The following HSH2D variants were observed in gnomAD, a reference collection of about 807,000 sequenced individuals.
HSH2D encodes the protein hematopoietic SH2 domain-containing protein.
In HSH2D, 16 loss-of-function variants were observed where a neutral mutation model predicts 21.5. The ratio of observed to expected loss-of-function variants is 0.74; its 90% CI spans 0.50 to 1.13. The LOEUF is 1.13. Ranked by LOEUF, HSH2D falls within the 50% of genes most tolerant of loss-of-function variation. The probability of loss-of-function intolerance (pLI) is 0.00; values close to 1 mark genes in which losing one functional copy is unlikely to be tolerated. For synonymous variants in HSH2D, 172 were observed against 184.7 expected (o/e 0.93, Z 0.56); for missense variants, 418 against 441.4 (o/e 0.95, Z 0.47).
intron 1 of HSH2D, among the ~76,000 whole-genome samples, chr19:16,146,729 C>T (rs1469424053): frequency 6.6e-6 from 1 of 152,064 alleles, no homozygotes; most frequent in East Asian, 1.9e-4. Flanking sequence ...TTTTTGACCA[C>T]CACCGTTGGG....
intron 1 of HSH2D, among the ~76,000 whole-genome samples, chr19:16,146,169 C>CT (rs1181169860): frequency 2.6e-5 from 4 of 152,016 alleles, no homozygotes; most frequent in Admixed American, 2.6e-4. Flanking sequence ...CTTACACTCA[C>CT]TTAATAATGT....
intron 1 of HSH2D, among the ~76,000 whole-genome samples, chr19:16,135,367 T>A (rs2090955278): frequency 6.6e-6 from 1 of 151,912 alleles, no homozygotes; most frequent in Non-Finnish European, 1.5e-5. Context: ...AGTTGGAGGC[T>A]GCAGTGAGCT....
intron 1 of HSH2D, 41 bp from the exon 2 acceptor site, chr19:16,148,683 C>T: frequency 1.3e-6 from 2 of 1,579,638 alleles, no homozygotes; most frequent in Non-Finnish European, 1.7e-6. Context: ...ATAAGAGGTG[C>T]ATCAAGCTTG....
rs113852172 is a variant in HSH2D at position 16,157,189 on chromosome 19, C to T, written c.475-21C>T. 75 of 1,510,676 alleles carry T rather than the reference C, an allele frequency of 5.0e-5. 1 individual carries two copies. In the African/African-American group the frequency reaches 6.7e-4, roughly 14 times the overall value. 93.6% of individuals were successfully genotyped at this position (1,510,676 alleles called of 1,614,324 possible). Reference sequence around the variant, plus strand: ...CTCTGGTGGGCAAGCTGCCCCAGGCCTCCCCTACTCTCATTTTCAGGCCTC... The same window carrying T: ...CTCTGGTGGGCAAGCTGCCCCAGGCTTCCCCTACTCTCATTTTCAGGCCTC... On this transcript the variant is annotated intron_variant, in intron 5 of 5. Coordinates refer to ENST00000613986, the MANE Select transcript of HSH2D (RefSeq NM_001382417.1). The surrounding 1 kb of genome is among the most constrained non-coding windows in gnomAD (Gnocchi z 4.4).
upstream of HSH2D, among the ~76,000 whole-genome samples, chr19:16,141,760 CTAAAAATACAAACA>C (rs2145015807): frequency 6.6e-6 from 1 of 151,894 alleles, no homozygotes; most frequent in East Asian, 1.9e-4. Context: ...CTTGTCTCTA[CTAAAAATACAAACA>C]TTAGCCAGGC....
At chr19:16,135,562 C>G (rs1272886284) in intron 1 of HSH2D, among the ~76,000 whole-genome samples, 5 of 152,176 alleles carry the variant, frequency 3.3e-5, no homozygotes, top group Non-Finnish European at 7.4e-5. Flanking sequence ...TCTGGCTGCC[C>G]TTCCTGGCTC....
At chr19:16,150,470 C>T (rs1319059655) in intron 2 of HSH2D, among the ~76,000 whole-genome samples, 1 of 151,672 alleles carries the variant, frequency 6.6e-6, no homozygotes, top group African/African-American at 2.4e-5. Flanking sequence ...ACCCAGGAGG[C>T]GGAGATTGCA....
At chr19:16,154,754 C>G (rs1439602243) in intron 5 of HSH2D, 2 of 323,566 alleles carry the variant, frequency 6.2e-6, no homozygotes, top group African/African-American at 4.3e-5. Flanking sequence ...GCCTCGGGGT[C>G]TCTGCGTGTG....
intron 1 of HSH2D, among the ~76,000 whole-genome samples, chr19:16,147,255 C>T (rs2091083991): frequency 6.6e-6 from 1 of 151,904 alleles, no homozygotes; most frequent in Non-Finnish European, 1.5e-5. Context: ...GAGGCTGACA[C>T]AGGTGGATTT....
At chr19:16,142,028 G>A (rs757176005), upstream of HSH2D, 1 of 152,238 alleles carries the variant, frequency 6.6e-6, no homozygotes, top group Non-Finnish European at 1.5e-5. Flanking sequence ...CAAGACTGCA[G>A]TGAGCTATGA....
chr19:16,146,887 G>A (rs1025777974), intron 1 of HSH2D, among the ~76,000 whole-genome samples: 1 of 150,156 alleles, frequency 6.7e-6, no homozygotes, highest in Non-Finnish European at 1.5e-5. Context: ...GTGCAATGGC[G>A]CGATCTTGGC....
intron 1 of HSH2D, among the ~76,000 whole-genome samples, chr19:16,137,417 C>A (rs2090971299): frequency 6.6e-6 from 1 of 151,958 alleles, no homozygotes; most frequent in South Asian, 2.1e-4. Flanking sequence ...CACTTGAGGT[C>A]AGGAGTTCGA....
At chr19:16,143,123 T>C (rs886677657), upstream of HSH2D, among the ~76,000 whole-genome samples, 1 of 151,826 alleles carries the variant, frequency 6.6e-6, no homozygotes, top group African/African-American at 2.4e-5. Flanking sequence ...CTCACTCCGT[T>C]GCCCAGGCTG....
intron 2 of HSH2D, among the ~76,000 whole-genome samples, chr19:16,152,162 A>G (rs1182093303): frequency 6.6e-6 from 1 of 150,544 alleles, no homozygotes; most frequent in Non-Finnish European, 1.5e-5. Flanking sequence ...TCACACCTAT[A>G]ATCCCAGCAC....
intron 2 of HSH2D, among the ~76,000 whole-genome samples, chr19:16,152,279 G>A (rs527264862): frequency 2.6e-5 from 4 of 151,524 alleles, no homozygotes; most frequent in South Asian, 4.2e-4. Flanking sequence ...TTAGCCGGGC[G>A]TGGTGGCTGG....
At chr19:16,145,156 A>T (rs1360956272) in intron 1 of HSH2D, among the ~76,000 whole-genome samples, 3 of 151,068 alleles carry the variant, frequency 2.0e-5, no homozygotes, top group Non-Finnish European at 4.4e-5. Flanking sequence ...CTCCTGCCTC[A>T]GCCTCCTGAG....
chr19:16,147,475 C>A (rs1309041240), intron 1 of HSH2D, among the ~76,000 whole-genome samples: 2 of 145,516 alleles, frequency 1.4e-5, no homozygotes, highest in Non-Finnish European at 3.0e-5. Context: ...CAGAGTGAGA[C>A]CCTGTCTCAA....
Position 16,157,587 on chromosome 19 carries a change from A to C in HSH2D, c.852A>C (p.Lys284Asn). ...GCCCCTCACAGCCCCAGGCACCAAAAGACAGAAAGGTCCCCACCAGGAAGG... is the reference window on the plus strand; with the variant it reads ...GCCCCTCACAGCCCCAGGCACCAAACGACAGAAAGGTCCCCACCAGGAAGG... ...LKSPSQPQAP[K>N]DRKVPTRKAE... Residue 284 changes from lysine to asparagine, a missense_variant, in exon 6 of 6, where the codon AAA becomes AAC. Coordinates refer to ENST00000613986, the MANE Select transcript of HSH2D (RefSeq NM_001382417.1). This position sits in a 1 kb window ranked among gnomAD's most constrained non-coding sequence, Gnocchi z 4.4. The C allele has an allele frequency of 6.2e-7, 1 of 1,613,934 alleles. No homozygotes were observed. The highest frequency in any genetic ancestry group is 8.5e-7 in the Non-Finnish European group (1 of 1,179,858).
intron 2 of HSH2D, chr19:16,151,540 A>T (rs952134789): frequency 6.6e-6 from 3 of 455,964 alleles, no homozygotes; most frequent in African/African-American, 6.0e-5. Context: ...GATGGACAGT[A>T]GAGCTGGGTT....
Sources: gnomAD v4.1 joint callset for allele counts (sites outside exome capture counted in the v4.1 genomes callset) on GRCh38, gnomAD v4.1.1 for gene constraint, Gnocchi (gnomAD v3.1) non-coding constraint, MANE v1.5 for transcripts, NCBI Gene and HGNC (gene_info 2026-07-23, HGNC 2026-07-21) for gene names.